Variants in RNF141 observed in about 807,000 individuals in gnomAD.
The protein encoded by RNF141 is ring finger protein 141, also known as C3HC4-like zinc finger protein.
RNF141 carries 18 observed loss-of-function variants against 27.4 expected under a neutral mutation model. The observed-to-expected ratio is 0.66, with a 90% CI of 0.45 to 0.97. RNF141 has a LOEUF of 0.97. Among genes scored for constraint, RNF141 ranks in the 50% least tolerant of loss-of-function variants. The probability of loss-of-function intolerance (pLI) is 0.00; values close to 1 mark genes in which losing one functional copy is unlikely to be tolerated. For missense variants in RNF141, 230 were observed against 279.4 expected (o/e 0.82, Z 1.26); for synonymous variants, 97 against 96.6 (o/e 1.00, Z -0.02).
Position 10,532,528 on chromosome 11 carries a change from CACACACACA to C in RNF141, c.143+1479_143+1487del, listed in dbSNP as rs1216582750. Reference sequence around the variant, plus strand: ...ACACACACACACACACACACACACACACACACACACCCCACAACTATATACAGCTTTTTG... The same window carrying C: ...ACACACACACACACACACACACACACCCCCACAACTATATACAGCTTTTTG... On this transcript the variant is annotated intron_variant, in intron 2 of 5. Coordinates refer to ENST00000265981, the MANE Select transcript of RNF141 (RefSeq NM_016422.4). Among the ~76,000 whole-genome samples, 28 of 146,770 alleles carry C rather than the reference CACACACACA, an allele frequency of 1.9e-4. 1 individual carries two copies. The highest frequency in any genetic ancestry group is 4.3e-4 in the South Asian group (2 of 4,630).
intron 1 of RNF141, among the ~76,000 whole-genome samples, chr11:10,535,912 G>C (rs963559597): frequency 2.0e-5 from 3 of 152,138 alleles, no homozygotes; most frequent in African/African-American, 7.2e-5. Context: ...TGGTATTAGG[G>C]AGCCACTGTG....
Position 10,517,664 on chromosome 11 carries a change from C to T in RNF141, c.542+1370G>A, listed in dbSNP as rs1849853338. The T allele has an allele frequency of 2.6e-5, 4 of 152,040 alleles. No homozygotes were observed. The South Asian group carries it at 8.3e-4, about 32-fold the overall frequency. 9.4% of individuals were successfully genotyped at this position (152,040 alleles called of 1,614,324 possible). On this transcript the variant is annotated intron_variant, in intron 5 of 5. Transcript: ENST00000265981. ...CAGAGGAAAAAAGGATGACAGAGTT[C>T]TCATTAGAAACAATGCAAACAAGAT... is the stretch of plus-strand genomic sequence containing the variant.
intron 3 of RNF141, among the ~76,000 whole-genome samples, chr11:10,529,191 G>A (rs910762068): frequency 6.6e-6 from 1 of 152,194 alleles, no homozygotes; most frequent in Non-Finnish European, 1.5e-5. Flanking sequence ...AACCAATCAT[G>A]CTAATCATAT....
chr11:10,537,978 T>G (rs1591502290), intron 1 of RNF141, among the ~76,000 whole-genome samples: 1 of 152,240 alleles, frequency 6.6e-6, no homozygotes, highest in Non-Finnish European at 1.5e-5. Context: ...TGCTTTTCAA[T>G]GTGCTTTTAA....
chr11:10,528,696 A>G (rs1343211825), intron 3 of RNF141, among the ~76,000 whole-genome samples: 2 of 152,230 alleles, frequency 1.3e-5, no homozygotes, highest in Non-Finnish European at 2.9e-5. Flanking sequence ...TCAATAAACA[A>G]GGAAAGCTTC....
chr11:10,521,031 G>C (rs962222435), intron 4 of RNF141, among the ~76,000 whole-genome samples: 11 of 152,314 alleles, frequency 7.2e-5, no homozygotes, highest in Middle Eastern at 6.8e-3. Flanking sequence ...TGCTGTGAGA[G>C]ATACAAAGGG....
At chr11:10,534,630 TACA>T (rs1423683568) in intron 1 of RNF141, among the ~76,000 whole-genome samples, 2 of 152,186 alleles carry the variant, frequency 1.3e-5, no homozygotes, top group East Asian at 3.8e-4. Flanking sequence ...AATTACTTCT[TACA>T]ACAATCCTAA....
intron 1 of RNF141, among the ~76,000 whole-genome samples, chr11:10,538,108 C>T (rs1043941341): frequency 2.6e-5 from 4 of 152,320 alleles, no homozygotes; most frequent in African/African-American, 9.6e-5. Flanking sequence ...AAATGATCCC[C>T]TTTGTTTCAG....
At chr11:10,540,100 T>C (rs1850081431) in intron 1 of RNF141, among the ~76,000 whole-genome samples, 1 of 152,106 alleles carries the variant, frequency 6.6e-6, no homozygotes, top group Admixed American at 6.6e-5. Flanking sequence ...GACTTCGACA[T>C]GGAGGTGACT....
At chr11:10,540,102 G>C (rs1447214297) in intron 1 of RNF141, among the ~76,000 whole-genome samples, 2 of 152,102 alleles carry the variant, frequency 1.3e-5, no homozygotes, top group East Asian at 3.9e-4. Context: ...CTTCGACATG[G>C]AGGTGACTAA....
rs553733547 is a variant in RNF141 at position 10,526,554 on chromosome 11, T to C, written c.253-1181A>G. Among the ~76,000 whole-genome samples, 4 of 151,902 alleles carry C rather than the reference T, an allele frequency of 2.6e-5. No homozygotes were observed. In the East Asian group the frequency reaches 7.7e-4, roughly 29 times the overall value. The stretch of plus-strand genomic sequence containing the variant: ...ATCCCAGCACTTTGGGAGGCCGAGG[T>C]GGGCAGATCATGAGGTCAGGAGATT... On this transcript the variant is annotated intron_variant, in intron 3 of 5. Coordinates refer to ENST00000265981, the MANE Select transcript of RNF141 (RefSeq NM_016422.4).
At chr11:10,533,928 C>T (rs1040946605) in intron 2 of RNF141, 88 bp downstream of exon 2, 3 of 1,189,322 alleles carry the variant, frequency 2.5e-6, no homozygotes, top group African/African-American at 3.1e-5. Context: ...TACCAATCAA[C>T]ACCTCTGGTT....
In RNF141 at chr11:10,539,691, C is replaced by CATAT. The variant is rs1554905298; in HGVS notation, c.-48+1427_-48+1430dup. On this transcript the variant is annotated intron_variant, in intron 1 of 5. Transcript: ENST00000265981. ...GATCTTGATCAGAAAAAGATACATA[C>CATAT]ATATATATTAGAGAGAGAAGGAGAG... Among the ~76,000 whole-genome samples the CATAT allele has an allele frequency of 5.0e-5, 2 of 40,350 alleles. 1 individual carries two copies. The highest frequency in any genetic ancestry group is 1.0e-4 in the Non-Finnish European group (2 of 19,140). The allele number at this position is 40,350 out of a possible 152,430, so 26.5% of individuals were successfully genotyped here.
intron 3 of RNF141, among the ~76,000 whole-genome samples, chr11:10,528,550 A>G (rs2133971982): frequency 6.6e-6 from 1 of 152,334 alleles, no homozygotes; most frequent in South Asian, 2.1e-4. Context: ...AAGAGCAACA[A>G]AAAACGAAGG....
chr11:10,515,992 G>C (rs1001416331), intron 5 of RNF141: 1 of 152,190 alleles, frequency 6.6e-6, no homozygotes, highest in Non-Finnish European at 1.5e-5. Context: ...TTGAGCCAGA[G>C]ACATATTATG....
chr11:10,537,304 T>C (rs553073999), intron 1 of RNF141, among the ~76,000 whole-genome samples: 6 of 152,174 alleles, frequency 3.9e-5, no homozygotes, highest in Admixed American at 1.3e-4. Context: ...TAGGTGACCT[T>C]TAACCTAACA....
At chr11:10,538,012 G>C (rs1850053036) in intron 1 of RNF141, among the ~76,000 whole-genome samples, 1 of 152,194 alleles carries the variant, frequency 6.6e-6, no homozygotes, top group Admixed American at 6.5e-5. Flanking sequence ...TTATGCCAAA[G>C]TGGCGTATTT....
At chr11:10,540,124 C>T (rs985282524) in intron 1 of RNF141, among the ~76,000 whole-genome samples, 1 of 152,084 alleles carries the variant, frequency 6.6e-6, no homozygotes, top group Non-Finnish European at 1.5e-5. Context: ...TTAGGATCGT[C>T]GGCCGGTGGC....
chr11:10,534,306 A>G, intron 1 of RNF141, 101 bp from the exon 2 acceptor site: 1 of 741,682 alleles, frequency 1.3e-6, no homozygotes, highest in South Asian at 1.8e-5. Context: ...CCTTTAAGTG[A>G]GAGTTGAGTA....
Sources: allele counts gnomAD v4.1 joint callset (sites outside exome capture counted in the v4.1 genomes callset), GRCh38; gene constraint gnomAD v4.1.1; transcripts MANE v1.5; gene names NCBI Gene and HGNC (gene_info 2026-07-23, HGNC 2026-07-21).